Variants in PHF2 observed in about 807,000 individuals in gnomAD.
The protein encoded by PHF2 is PHD finger protein 2.
PHF2 carries 27 observed loss-of-function variants against 120.5 expected under a neutral mutation model. The ratio of observed to expected loss-of-function variants is 0.22; its 90% CI spans 0.17 to 0.31. The LOEUF (loss-of-function observed/expected upper bound fraction) is 0.31, where lower values mean the gene tolerates loss of function less well. Ranked by LOEUF, PHF2 falls within the 10% of genes least tolerant of loss-of-function variation. The pLI is 1.00. For synonymous variants in PHF2, 568 were observed against 592.5 expected (o/e 0.96, Z 0.60); for missense variants, 1,024 against 1,434.8 (o/e 0.71, Z 4.63).
intron 1 of PHF2, among the ~76,000 whole-genome samples, chr9:93,603,605 G>A (rs892485112): frequency 6.6e-6 from 1 of 152,090 alleles, no homozygotes. Context: ...GACCTTATGG[G>A]GCCTGGGACA....
chr9:93,623,244 G>T (rs778682455), intron 1 of PHF2, among the ~76,000 whole-genome samples: 1 of 152,188 alleles, frequency 6.6e-6, no homozygotes, highest in Non-Finnish European at 1.5e-5. Flanking sequence ...ACCAGCTCCA[G>T]GGCAATATAT....
intron 1 of PHF2, among the ~76,000 whole-genome samples, chr9:93,627,016 T>A (rs1825924691): frequency 6.6e-6 from 1 of 152,246 alleles, no homozygotes; most frequent in Non-Finnish European, 1.5e-5. Flanking sequence ...GTAAGTTTTC[T>A]TAGCTTTTCC....
At chr9:93,618,397 A>G (rs1825760919) in intron 1 of PHF2, among the ~76,000 whole-genome samples, 1 of 152,270 alleles carries the variant, frequency 6.6e-6, no homozygotes, top group African/African-American at 2.4e-5. Context: ...ATACGCATGC[A>G]TACACATGGC....
intron 5 of PHF2, among the ~76,000 whole-genome samples, chr9:93,652,134 G>C (rs1465581568): frequency 6.6e-6 from 1 of 152,154 alleles, no homozygotes; most frequent in Non-Finnish European, 1.5e-5. Flanking sequence ...GGGACAACTT[G>C]TCTAGGTTGC....
At chr9:93,621,163 G>A (rs927323841) in intron 1 of PHF2, among the ~76,000 whole-genome samples, 1 of 152,202 alleles carries the variant, frequency 6.6e-6, no homozygotes, top group Non-Finnish European at 1.5e-5. Context: ...CCCTGTGGAG[G>A]GTCTACTTCC....
rs746857783 is a variant in PHF2, at chr9:93,679,263, C to T, written c.*1587C>T. 2.2e-6 allele frequency: 1 copy of T among 455,966 alleles called. No individual in the cohort carries two copies. The highest frequency in any genetic ancestry group is 4.4e-6 in the Non-Finnish European group (1 of 226,958). 28.2% of individuals were successfully genotyped at this position (455,966 alleles called of 1,614,324 possible). On this transcript the variant is annotated 3_prime_UTR_variant, in exon 22 of 22. Transcript: ENST00000359246. ...CTTGTCCTGTTTGGAGGGACGCAGTCCCTAGGGCCCGAGACTGGGTGGGAG... is the reference window on the plus strand; with the variant it reads ...CTTGTCCTGTTTGGAGGGACGCAGTTCCTAGGGCCCGAGACTGGGTGGGAG...
chr9:93,620,920 A>C (rs1392972913), intron 1 of PHF2, among the ~76,000 whole-genome samples: 5 of 152,252 alleles, frequency 3.3e-5, no homozygotes, highest in Non-Finnish European at 7.3e-5. Context: ...TGAGAACAGG[A>C]TGGCCCCTAA....
At chr9:93,590,751 C>A (rs1825201450) in intron 1 of PHF2, among the ~76,000 whole-genome samples, 1 of 152,210 alleles carries the variant, frequency 6.6e-6, no homozygotes, top group African/African-American at 2.4e-5. Context: ...CACAGTCCTC[C>A]CTGCAGCATC....
chr9:93,667,020 C>G (rs916318710), intron 16 of PHF2, 60 bp from the exon 17 acceptor site: 16 of 1,484,874 alleles, frequency 1.1e-5, no homozygotes, highest in Non-Finnish European at 1.4e-5. Flanking sequence ...CCTCCCAACT[C>G]CCAGGCCACT....
At chr9:93,627,429 G>A (rs1825930782) in intron 1 of PHF2, among the ~76,000 whole-genome samples, 1 of 146,470 alleles carries the variant, frequency 6.8e-6, no homozygotes, top group African/African-American at 2.5e-5. Flanking sequence ...GTAGGATTAT[G>A]TCATATGCAA....
At chr9:93,624,894 TTGGTGA>T (rs1263096271) in intron 1 of PHF2, among the ~76,000 whole-genome samples, 1 of 151,824 alleles carries the variant, frequency 6.6e-6, no homozygotes, top group South Asian at 2.1e-4. Context: ...TGTGGCAATG[TTGGTGA>T]TGGTGATGGT....
chr9:93,653,712 C>T (rs1240077983), intron 6 of PHF2, among the ~76,000 whole-genome samples: 1 of 152,054 alleles, frequency 6.6e-6, no homozygotes, highest in African/African-American at 2.4e-5. Context: ...GCACAGGAGC[C>T]AGGGGGCAGG....
intron 1 of PHF2, among the ~76,000 whole-genome samples, chr9:93,610,540 G>T (rs1304381851): frequency 2.0e-5 from 3 of 152,132 alleles, no homozygotes; most frequent in Non-Finnish European, 4.4e-5. Flanking sequence ...ATAAATTTGT[G>T]ATCTGATCAT....
intron 1 of PHF2, among the ~76,000 whole-genome samples, chr9:93,588,755 T>C (rs1252701199): frequency 1.3e-5 from 2 of 152,062 alleles, no homozygotes; most frequent in Non-Finnish European, 2.9e-5. Flanking sequence ...GCTGAGCGTG[T>C]TGGTGGGTGC....
chr9:93,676,231 C>A (rs1826908387), intron 20 of PHF2, among the ~76,000 whole-genome samples: 1 of 152,228 alleles, frequency 6.6e-6, no homozygotes, highest in Non-Finnish European at 1.5e-5. Flanking sequence ...CCTCACATAC[C>A]CTCCCAACCA....
chr9:93,579,056 G>C (rs2131593168), intron 1 of PHF2, among the ~76,000 whole-genome samples: 1 of 152,348 alleles, frequency 6.6e-6, no homozygotes, highest in East Asian at 1.9e-4. Context: ...CTGGGCAGGT[G>C]TGTGATGGGG....
chr9:93,658,511 T>C (rs1826500742), intron 10 of PHF2, among the ~76,000 whole-genome samples: 1 of 152,128 alleles, frequency 6.6e-6, no homozygotes, highest in African/African-American at 2.4e-5. Flanking sequence ...GGCTCACAGC[T>C]TAGTCACAAG....
chr9:93,663,319 G>T (rs943711984), intron 13 of PHF2, among the ~76,000 whole-genome samples, 198 bp from the exon 14 acceptor site: 1 of 152,156 alleles, frequency 6.6e-6, no homozygotes, highest in Non-Finnish European at 1.5e-5. Flanking sequence ...CTCCATGGGG[G>T]TCAGGCAACA....
At chr9:93,618,969 A>G (rs1490368749) in intron 1 of PHF2, among the ~76,000 whole-genome samples, 2 of 3,746 alleles carry the variant, frequency 5.3e-4, no homozygotes, top group East Asian at 0.017. Context: ...GCCTCACTCT[A>G]GTGCTTGTTC....
Sources: gnomAD v4.1 joint callset for allele counts (sites outside exome capture counted in the v4.1 genomes callset) on GRCh38, gnomAD v4.1.1 for gene constraint, MANE v1.5 for transcripts, NCBI Gene and HGNC (gene_info 2026-07-23, HGNC 2026-07-21) for gene names.